Variants in RYR2 observed in about 807,000 individuals in gnomAD.
RYR2 encodes cardiac muscle ryanodine receptor-calcium release channel.
Under a neutral mutation model 601.1 loss-of-function variants are expected in RYR2, and 227 were observed. The ratio of observed to expected loss-of-function variants is 0.38; its 90% CI spans 0.34 to 0.42. The LOEUF (loss-of-function observed/expected upper bound fraction) is 0.42. Among genes scored for constraint, RYR2 ranks in the 10% least tolerant of loss-of-function variants. The probability of loss-of-function intolerance (pLI) is 1.00; values close to 1 mark genes in which losing one functional copy is unlikely to be tolerated. For missense variants in RYR2, 4,646 were observed against 6,156.5 expected, an observed-to-expected ratio of 0.75 and a Z score of 8.21; for synonymous variants, 2,223 against 2,175.1, an observed-to-expected ratio of 1.02 and a Z score of -0.61.
intron 14 of RYR2, among the ~76,000 whole-genome samples, chr1:237,453,013 A>G (rs1216746967): frequency 6.6e-6 from 1 of 152,068 alleles, no homozygotes; most frequent in Non-Finnish European, 1.5e-5. Flanking sequence ...CTTATATTTG[A>G]AAATGTGGAT....
At chr1:237,208,936 G>GTGTGTATATATATATA (rs1418847642) in intron 1 of RYR2, among the ~76,000 whole-genome samples, 2 of 89,872 alleles carry the variant, frequency 2.2e-5, no homozygotes, top group Non-Finnish European at 4.3e-5. Context: ...ATGTGTGTGT[G>GTGTGTATATATATATA]TATATATATA....
chr1:237,627,735 T>C lies in RYR2; in HGVS notation c.6167-72T>C, dbSNP rs918661638. 2.4e-5 allele frequency: 34 copies of C among 1,444,942 alleles called. No individual in the cohort carries two copies. The Admixed American group carries it at 6.6e-4, about 28-fold the overall frequency. The allele number at this position is 1,444,942 out of a possible 1,614,324, so 89.5% of individuals were successfully genotyped here. Reference sequence around the variant, plus strand: ...AATACCAATTTGGGGGTACAGGATATGGACTTGAAATGTCCAACTGATTTG... The same window carrying C: ...AATACCAATTTGGGGGTACAGGATACGGACTTGAAATGTCCAACTGATTTG... On this transcript the variant is annotated intron_variant, in intron 40 of 104. Transcript: ENST00000366574.
chr1:237,484,883 T>A (rs1662510079), intron 17 of RYR2, among the ~76,000 whole-genome samples: 1 of 152,072 alleles, frequency 6.6e-6, no homozygotes, highest in Non-Finnish European at 1.5e-5. Flanking sequence ...AAGTTATTTC[T>A]AGACATTTAG....
At chr1:237,414,092 A>G (rs16835216) in intron 10 of RYR2, among the ~76,000 whole-genome samples, 60,257 of 151,992 alleles carry the variant, frequency 0.4, 13,808 homozygotes, top group African/African-American at 0.64. Flanking sequence ...AAATCTGATA[A>G]CATTTTCTTT....
chr1:237,108,554 C>T (rs6691537), intron 1 of RYR2, among the ~76,000 whole-genome samples: 51,598 of 152,082 alleles, frequency 0.34, 10,136 homozygotes, highest in Admixed American at 0.52. Context: ...GGCTGAGCTG[C>T]GCTGAGCAGA....
chr1:237,273,332 G>A (rs76324217), intron 2 of RYR2, among the ~76,000 whole-genome samples: 1 of 152,218 alleles, frequency 6.6e-6, no homozygotes, highest in East Asian at 1.9e-4. Context: ...TGGCCAGTGA[G>A]GGGGAGCAGC....
intron 61 of RYR2, 94 bp downstream of exon 61, chr1:237,678,206 A>T (rs1025873248): frequency 8.2e-5 from 57 of 695,240 alleles, no homozygotes; most frequent in Non-Finnish European, 1.4e-4. Flanking sequence ...ATACTTGTCT[A>T]CAAATGTGTA....
rs1365074637 is a variant in RYR2, at chr1:237,569,162, G to A, written c.3441G>A (p.Gln1147=). Residue 1147 remains glutamine (Q), a synonymous_variant, in exon 29 of 105, where the codon CAG becomes CAA. Coordinates refer to ENST00000366574, the MANE Select transcript of RYR2 (RefSeq NM_001035.3). ...FDGFKAQRWH[Q]GNEHYGRSWQ... ...CTGTATAGGCCCAGCGGTGGCATCA[G>A]GGCAATGAACACTATGGGCGCTCTT... 6.2e-7 allele frequency: 1 copy of A among 1,613,636 alleles called. No individual in the cohort carries two copies. The highest frequency in any genetic ancestry group is 2.2e-5 in the East Asian group (1 of 44,870).
intron 1 of RYR2, among the ~76,000 whole-genome samples, chr1:237,157,295 C>CAAAAAAAAAAAA (rs33922740): frequency 1.1e-3 from 71 of 63,484 alleles, no homozygotes; most frequent in East Asian, 2.6e-3. Flanking sequence ...GACTCCATCT[C>CAAAAAAAAAAAA]AAAAAAAAAA....
chr1:237,483,335 C>T (rs542037797), intron 17 of RYR2, among the ~76,000 whole-genome samples: 6 of 152,258 alleles, frequency 3.9e-5, no homozygotes, highest in East Asian at 3.9e-4. Context: ...ACTTACATCA[C>T]GTTGCTTTGA....
chr1:237,702,144 C>A, intron 66 of RYR2, 85 bp downstream of exon 66: 1 of 791,300 alleles, frequency 1.3e-6, no homozygotes, highest in South Asian at 1.6e-5. Context: ...ATTTCATAAC[C>A]TGTTTCCTAG....
rs145717697 is a variant in RYR2 at position 237,348,695 on chromosome 1, C to T, written c.274-7270C>T. 2.1e-3 allele frequency among the ~76,000 whole-genome samples: 319 copies of T among 152,052 alleles called. 4 individuals are homozygous for T. Among genetic ancestry groups the T allele is most frequent in the African/African-American group, 7.0e-3 (291 of 41,452 alleles). ...ACACAGTATCTGATGTGCAGTCAAA[C>T]GTGTTATTAGGCATGTAAGGAGTCA... On this transcript the variant is annotated intron_variant, in intron 3 of 104. Coordinates refer to ENST00000366574, the MANE Select transcript of RYR2 (RefSeq NM_001035.3).
intron 34 of RYR2, among the ~76,000 whole-genome samples, chr1:237,601,227 A>G (rs1276008899): frequency 6.6e-6 from 1 of 152,186 alleles, no homozygotes; most frequent in African/African-American, 2.4e-5. Flanking sequence ...TGTGGTATAT[A>G]TACACAGTGG....
intron 1 of RYR2, among the ~76,000 whole-genome samples, chr1:237,125,488 G>A (rs79624245): frequency 0.068 from 10,360 of 151,316 alleles, 930 homozygotes; most frequent in African/African-American, 0.21. Flanking sequence ...TGAAATTGCA[G>A]TAGTTGAGTA....
rs545166355 is a variant in RYR2, at chr1:237,216,629, T to G, written c.49-53868T>G. ...GTGGGCACCTGTAATCCCAGCTACT[T>G]AGAAGGCTGAGGCAGGAGAATGGCT... On this transcript the variant is annotated intron_variant, in intron 1 of 104. Transcript: ENST00000366574. Among the ~76,000 whole-genome samples, 15 of 151,424 alleles carry G rather than the reference T, an allele frequency of 9.9e-5. 1 individual carries two copies. In the East Asian group the frequency reaches 1.8e-3, roughly 18 times the overall value.
chr1:237,727,178 C>T lies in RYR2; in HGVS notation c.10817C>T (p.Ala3606Val). The change falls in exon 76 of 105, where the codon GCC (alanine) becomes GTC (valine). Residue 3606 changes from alanine to valine, a missense_variant. By Grantham distance (64) the Ala-to-Val change is moderately conservative. Coordinates refer to ENST00000366574, the MANE Select transcript of RYR2 (RefSeq NM_001035.3). ...KRAVVACFRMAPLYNLPRHRA... is the reference protein window; with the variant it reads ...KRAVVACFRMVPLYNLPRHRA... ...GCTGTTGTAGCCTGCTTCCGGATGG[C>T]CCCCTTATATAATCTGCCAAGGTCG... 1 of 1,560,630 alleles carries T rather than the reference C, an allele frequency of 6.4e-7. No homozygotes were observed. Among genetic ancestry groups the T allele is most frequent in the Non-Finnish European group, 8.7e-7 (1 of 1,147,756 alleles).
At chr1:237,690,640 T>G (rs541854802) in intron 63 of RYR2, among the ~76,000 whole-genome samples, 19 of 152,184 alleles carry the variant, frequency 1.2e-4, no homozygotes, top group African/African-American at 4.6e-4. Flanking sequence ...GGCGGACAGA[T>G]CACTTGAGCT....
At chr1:237,492,188 T>C (rs890776867) in intron 18 of RYR2, among the ~76,000 whole-genome samples, 1 of 152,140 alleles carries the variant, frequency 6.6e-6, no homozygotes, top group African/African-American at 2.4e-5. Context: ...CATGCCACCA[T>C]GCCCGGCTAA....
At chr1:237,448,823 G>A (rs1657713041) in intron 14 of RYR2, among the ~76,000 whole-genome samples, 1 of 151,036 alleles carries the variant, frequency 6.6e-6, no homozygotes, top group African/African-American at 2.4e-5. Context: ...CCCACCTTTG[G>A]TATTAGCATC....
Sources: allele counts gnomAD v4.1 joint callset (sites outside exome capture counted in the v4.1 genomes callset), GRCh38; gene constraint gnomAD v4.1.1; transcripts MANE v1.5; gene names NCBI Gene and HGNC (gene_info 2026-07-23, HGNC 2026-07-21).